UXS1: variants seen among roughly 807,000 people sequenced by gnomAD.
UXS1 encodes the protein UDP-glucuronic acid decarboxylase 1.
A neutral mutation model predicts 62.6 loss-of-function variants in UXS1; 33 were observed. That is an observed-to-expected ratio of 0.53 (90% CI 0.40 to 0.70). The LOEUF is 0.70. Among genes scored for constraint, UXS1 ranks in the 30% least tolerant of loss-of-function variants. The probability of loss-of-function intolerance (pLI) is 0.00; values close to 1 mark genes in which losing one functional copy is unlikely to be tolerated. For synonymous variants in UXS1, 213 were observed against 206.8 expected, an observed-to-expected ratio of 1.03 and a Z score of -0.26; for missense variants, 434 against 556.3, an observed-to-expected ratio of 0.78 and a Z score of 2.21.
In UXS1 at chr2:106,093,497, T is replaced by C. The variant is rs536394542; in HGVS notation, c.*529A>G. The C allele has an allele frequency of 6.6e-6, 1 of 152,096 alleles. No individual in the cohort carries two copies. The highest frequency in any genetic ancestry group is 1.5e-5 in the Non-Finnish European group (1 of 68,030). 9.4% of individuals were successfully genotyped at this position (152,096 alleles called of 1,614,324 possible). ...CAAGTTTGCAACTCAAAAGTAGACC[T>C]TGGAAAAACTCTGAATTAAAAGAGA... On this transcript the variant is annotated 3_prime_UTR_variant, in exon 15 of 15. Transcript: ENST00000283148.
At chr2:106,157,480 A>T (rs923050256) in intron 5 of UXS1, among the ~76,000 whole-genome samples, 5 of 152,216 alleles carry the variant, frequency 3.3e-5, no homozygotes, top group Non-Finnish European at 5.9e-5. Flanking sequence ...AAAAAGTTAA[A>T]CACAGGGTTT....
chr2:106,164,700 A>T (rs368607676), intron 3 of UXS1, 36 bp downstream of exon 3: 32 of 1,445,694 alleles, frequency 2.2e-5, no homozygotes, highest in Admixed American at 2.1e-5. Context: ...ACAAGTATAC[A>T]GATGAAATAG....
rs370254318 is a variant in UXS1 at position 106,194,257 on chromosome 2, G to C, written c.-16C>G. 1.0e-3 allele frequency: 1,466 copies of C among 1,417,618 alleles called. 15 individuals are homozygous for C. The highest frequency in any genetic ancestry group is 1.2e-3 in the Non-Finnish European group (1,304 of 1,077,708). 87.8% of individuals were successfully genotyped at this position (1,417,618 alleles called of 1,614,324 possible). On this transcript the variant is annotated 5_prime_UTR_variant, in exon 1 of 15. Coordinates refer to ENST00000283148, the MANE Select transcript of UXS1 (RefSeq NM_001253875.2). ...TGCTCACCATCCCCGGGAGCCGCGC[G>C]GGTCCAGGGCCCTACCGCGCGGGGG... is the stretch of plus-strand genomic sequence containing the variant.
intron 1 of UXS1, among the ~76,000 whole-genome samples, chr2:106,175,319 A>C (rs1683811874): frequency 6.6e-6 from 1 of 152,240 alleles, no homozygotes; most frequent in Non-Finnish European, 1.5e-5. Flanking sequence ...TTTTCTGAAC[A>C]TGTGAGCTGT....
At chr2:106,105,875 G>C (rs1196847448) in intron 10 of UXS1, among the ~76,000 whole-genome samples, 1 of 152,200 alleles carries the variant, frequency 6.6e-6, no homozygotes, top group Non-Finnish European at 1.5e-5. Context: ...CAGCTGGGAA[G>C]AAGGGACTGC....
At chr2:106,166,441 A>G (rs190778221) in intron 1 of UXS1, 536 of 170,672 alleles carry the variant, frequency 3.1e-3, no homozygotes, top group Non-Finnish European at 4.8e-3. Flanking sequence ...CTGATTGGCC[A>G]TATATTGTTT....
At chr2:106,114,340 T>C (rs1239636998) in intron 9 of UXS1, among the ~76,000 whole-genome samples, 1 of 152,186 alleles carries the variant, frequency 6.6e-6, no homozygotes, top group African/African-American at 2.4e-5. Context: ...GACAAAGATA[T>C]GAGCTAAGTC....
chr2:106,101,389 G>C, intron 11 of UXS1: 1 of 403,716 alleles, frequency 2.5e-6, no homozygotes, highest in Non-Finnish European at 4.4e-6. Context: ...CTGAGTGATG[G>C]GGCTGAGTTC....
At chr2:106,164,872 C>T in intron 2 of UXS1, 73 bp from the exon 3 acceptor site, 1 of 1,141,292 alleles carries the variant, frequency 8.8e-7, no homozygotes, top group Non-Finnish European at 1.2e-6. Flanking sequence ...CTAACATAAC[C>T]CAACGGATGC....
intron 5 of UXS1, among the ~76,000 whole-genome samples, chr2:106,153,158 C>G (rs1682165536): frequency 6.6e-6 from 1 of 152,060 alleles, no homozygotes; most frequent in Non-Finnish European, 1.5e-5. Context: ...CAGAGAGAAC[C>G]AAGGAGAGGA....
At chr2:106,112,276 C>T (rs1678684079) in intron 10 of UXS1, among the ~76,000 whole-genome samples, 1 of 152,238 alleles carries the variant, frequency 6.6e-6, no homozygotes, top group Non-Finnish European at 1.5e-5. Flanking sequence ...GGCTCACCTC[C>T]CCACCCTACC....
At chr2:106,170,705 G>A (rs551441849) in intron 1 of UXS1, among the ~76,000 whole-genome samples, 10 of 152,298 alleles carry the variant, frequency 6.6e-5, no homozygotes, top group Middle Eastern at 3.4e-3. Context: ...CCCCCACGTT[G>A]CTGCACAGAT....
intron 1 of UXS1, chr2:106,166,493 A>T (rs751370482): frequency 7.4e-5 from 12 of 161,998 alleles, no homozygotes; most frequent in South Asian, 3.3e-4. Flanking sequence ...TGGTTGAGGC[A>T]GCTGGGCAGA....
At chr2:106,184,530 G>A (rs1367806716) in intron 1 of UXS1, among the ~76,000 whole-genome samples, 1 of 152,228 alleles carries the variant, frequency 6.6e-6, no homozygotes, top group Admixed American at 6.5e-5. Context: ...AGTTATGAAG[G>A]TTGGGAAGTG....
At chr2:106,168,890 A>G (rs1326437776) in intron 1 of UXS1, among the ~76,000 whole-genome samples, 1 of 152,144 alleles carries the variant, frequency 6.6e-6, no homozygotes. Context: ...ATGCATTGGG[A>G]AAAAAAGACT....
chr2:106,165,978 C>A, intron 2 of UXS1, 78 bp downstream of exon 2: 1 of 1,360,804 alleles, frequency 7.3e-7, no homozygotes, highest in South Asian at 1.4e-5. Flanking sequence ...TAACCCATGA[C>A]ATCCATGGTA....
chr2:106,143,408 CAAAAAAAAAAAAAA>C (rs60493984), intron 6 of UXS1, among the ~76,000 whole-genome samples: 183 of 38,658 alleles, frequency 4.7e-3, no homozygotes, highest in African/African-American at 0.019. Context: ...GACTCCGTCT[CAAAAAAAAAAAAAA>C]AAAAAAAAAA....
rs370697629 is a variant in UXS1 at position 106,136,836 on chromosome 2, G to A, written c.473-7058C>T. ...TAGATGACACGTTAGTGGGTGCAGC[G>A]CACCAGCATGGCACATGTATACATA... On this transcript the variant is annotated intron_variant, in intron 6 of 14. Transcript: ENST00000283148. 8.2e-5 allele frequency among the ~76,000 whole-genome samples: 9 copies of A among 109,420 alleles called. No individual in the cohort carries two copies. The East Asian group carries it at 1.2e-3, about 15-fold the overall frequency. 71.8% of individuals were successfully genotyped at this position (109,420 alleles called of 152,430 possible).
chr2:106,147,908 T>C (rs1681697394), intron 5 of UXS1, among the ~76,000 whole-genome samples: 3 of 152,196 alleles, frequency 2.0e-5, no homozygotes, highest in Admixed American at 6.5e-5. Flanking sequence ...AACCACCACA[T>C]AGATATTACA....
Sources: gnomAD v4.1 joint callset for allele counts (sites outside exome capture counted in the v4.1 genomes callset) on GRCh38, gnomAD v4.1.1 for gene constraint, MANE v1.5 for transcripts, NCBI Gene and HGNC (gene_info 2026-07-23, HGNC 2026-07-21) for gene names.